Variants in PALM2AKAP2 observed in about 807,000 individuals in gnomAD.
The protein encoded by PALM2AKAP2 is PALM2 and AKAP2 fusion.
In PALM2AKAP2, 37 loss-of-function variants were observed where a neutral mutation model predicts 71.5. The ratio of observed to expected loss-of-function variants is 0.52; its 90% confidence interval spans 0.40 to 0.68. The LOEUF (loss-of-function observed/expected upper bound fraction) is 0.68. Ranked by LOEUF, PALM2AKAP2 falls within the 30% of genes least tolerant of loss-of-function variation. PALM2AKAP2 has a pLI of 0.00. For synonymous variants in PALM2AKAP2, 468 were observed against 478.8 expected, an observed-to-expected ratio of 0.98 and a Z score of 0.29; for missense variants, 1,224 against 1,191.8, an observed-to-expected ratio of 1.03 and a Z score of -0.40.
chr9:110,070,844 A>C (rs1378722788), intron 1 of PALM2AKAP2, among the ~76,000 whole-genome samples: 1 of 152,086 alleles, frequency 6.6e-6, no homozygotes, highest in Non-Finnish European at 1.5e-5. Context: ...AACTGGGAAT[A>C]ATACCCATCC....
chr9:109,808,317 C>T (rs537497799), intron 1 of PALM2AKAP2, among the ~76,000 whole-genome samples: 6 of 152,250 alleles, frequency 3.9e-5, no homozygotes, highest in African/African-American at 7.2e-5. Flanking sequence ...TCCAGGCTGA[C>T]GTGGTCTCAG....
chr9:109,801,708 A>ATGTGTG (rs142422555), intron 1 of PALM2AKAP2, among the ~76,000 whole-genome samples: 10 of 149,302 alleles, frequency 6.7e-5, no homozygotes, highest in African/African-American at 2.2e-4. Flanking sequence ...AGGTGTTGAT[A>ATGTGTG]TGTGTGTGTG....
chr9:109,963,736 T>C (rs1177012160), intron 6 of PALM2AKAP2, among the ~76,000 whole-genome samples: 4 of 152,192 alleles, frequency 2.6e-5, no homozygotes, highest in Non-Finnish European at 5.9e-5. Context: ...CTGAATTGTC[T>C]CCTGAACGGT....
chr9:109,742,008 C>G (rs996032777), intron 1 of PALM2AKAP2, among the ~76,000 whole-genome samples: 4 of 152,146 alleles, frequency 2.6e-5, no homozygotes, highest in African/African-American at 9.7e-5. Flanking sequence ...ACTTTTAATA[C>G]ACATGTGCAT....
intron 1 of PALM2AKAP2, among the ~76,000 whole-genome samples, chr9:110,093,199 A>T (rs1303832585): frequency 6.6e-6 from 1 of 152,198 alleles, no homozygotes; most frequent in Admixed American, 6.5e-5. Flanking sequence ...ACCCTAGGCT[A>T]ACCTTCCAAA....
intron 1 of PALM2AKAP2, among the ~76,000 whole-genome samples, chr9:110,092,237 C>T (rs1054741679): frequency 2.0e-5 from 3 of 152,072 alleles, no homozygotes; most frequent in Non-Finnish European, 4.4e-5. Flanking sequence ...GAGGCTGAGG[C>T]AGGAGAATTA....
intron 3 of PALM2AKAP2, among the ~76,000 whole-genome samples, chr9:109,914,638 G>A (rs1830643797): frequency 6.6e-6 from 1 of 152,218 alleles, no homozygotes; most frequent in East Asian, 1.9e-4. Context: ...TTCCAGAGAA[G>A]AGAACAGGTC....
intron 1 of PALM2AKAP2, among the ~76,000 whole-genome samples, chr9:109,643,396 T>C (rs1033659774): frequency 3.3e-5 from 5 of 152,260 alleles, no homozygotes; most frequent in Non-Finnish European, 7.3e-5. Flanking sequence ...TTCATCTTTA[T>C]GCTCTCACAT....
At chr9:109,889,087 T>G (rs889197585) in intron 3 of PALM2AKAP2, among the ~76,000 whole-genome samples, 1 of 152,192 alleles carries the variant, frequency 6.6e-6, no homozygotes, top group Non-Finnish European at 1.5e-5. Context: ...AAAAGATTTA[T>G]GAAGATAACA....
intron 1 of PALM2AKAP2, 23 bp from the exon 8 acceptor site, chr9:110,136,104 C>A (rs777544054): frequency 1.8e-5 from 27 of 1,538,166 alleles, no homozygotes; most frequent in Non-Finnish European, 2.4e-5. Flanking sequence ...TTAACCCTGA[C>A]TTTTGTTTAC....
chr9:109,823,630 G>T (rs1828068023), intron 1 of PALM2AKAP2, among the ~76,000 whole-genome samples: 1 of 152,106 alleles, frequency 6.6e-6, no homozygotes, highest in Non-Finnish European at 1.5e-5. Flanking sequence ...CAATCAGGCT[G>T]CCCCACCATG....
At chr9:110,156,809 G>T (rs918591517) in intron 3 of PALM2AKAP2, among the ~76,000 whole-genome samples, 1 of 152,170 alleles carries the variant, frequency 6.6e-6, no homozygotes, top group African/African-American at 2.4e-5. Flanking sequence ...CAGGGAGAAG[G>T]TTGCAAGTGC....
intron 1 of PALM2AKAP2, among the ~76,000 whole-genome samples, chr9:109,771,554 G>A (rs953630714): frequency 8.5e-5 from 13 of 152,144 alleles, no homozygotes; most frequent in Admixed American, 7.2e-4. Flanking sequence ...ATCAATGAAG[G>A]GAAGTTTCAT....
chr9:110,034,777 G>A (rs538788102), intron 7 of PALM2AKAP2, among the ~76,000 whole-genome samples: 1 of 151,680 alleles, frequency 6.6e-6, no homozygotes, highest in Admixed American at 6.6e-5. Flanking sequence ...GCTAATTTTT[G>A]TATTTTTAGT....
intron 1 of PALM2AKAP2, among the ~76,000 whole-genome samples, chr9:109,851,212 A>AAC (rs1564179684): frequency 4.3e-4 from 41 of 94,360 alleles, no homozygotes; most frequent in Middle Eastern, 5.4e-3. Context: ...ACAACAACAA[A>AAC]AAAAAAAAAA....
chr9:109,762,993 G>A (rs558641679), intron 1 of PALM2AKAP2, among the ~76,000 whole-genome samples: 209 of 152,284 alleles, frequency 1.4e-3, no homozygotes, highest in Non-Finnish European at 2.6e-3. Flanking sequence ...TCAGAGCCAG[G>A]CACATGCCTA....
At chr9:109,649,391 A>G (rs376859128) in intron 1 of PALM2AKAP2, among the ~76,000 whole-genome samples, 7 of 152,272 alleles carry the variant, frequency 4.6e-5, no homozygotes, top group African/African-American at 1.4e-4. Flanking sequence ...TCATGTAGAT[A>G]GTTGACTCTC....
intron 1 of PALM2AKAP2, among the ~76,000 whole-genome samples, chr9:109,758,319 T>G (rs1828997920): frequency 6.6e-6 from 1 of 152,114 alleles, no homozygotes; most frequent in Non-Finnish European, 1.5e-5. Context: ...ATAATGTTGT[T>G]CTCATATCAT....
chr9:109,654,767 G>C (rs1188085413), intron 1 of PALM2AKAP2, among the ~76,000 whole-genome samples: 1 of 151,854 alleles, frequency 6.6e-6, no homozygotes, highest in Non-Finnish European at 1.5e-5. Flanking sequence ...GTGTGTGTGT[G>C]TGTGTGTGTG....
Sources: allele counts gnomAD v4.1 joint callset (sites outside exome capture counted in the v4.1 genomes callset), GRCh38; gene constraint gnomAD v4.1.1; transcripts MANE v1.5; gene names NCBI Gene and HGNC (gene_info 2026-07-23, HGNC 2026-07-21).